DNAAF9: variants seen among roughly 807,000 people sequenced by gnomAD.
DNAAF9 encodes dynein axonemal assembly factor 9, also known as shulin.
A neutral mutation model predicts 167.0 loss-of-function variants in DNAAF9; 90 were observed. The ratio of observed to expected loss-of-function variants is 0.54; its 90% CI spans 0.45 to 0.64. DNAAF9 has a LOEUF of 0.64. Among genes scored for constraint, DNAAF9 ranks in the 30% least tolerant of loss-of-function variants. DNAAF9 has a pLI of 0.00. For missense variants in DNAAF9, 1,315 were observed against 1,442.2 expected, an observed-to-expected ratio of 0.91 and a Z score of 1.43; for synonymous variants, 491 against 508.8, an observed-to-expected ratio of 0.96 and a Z score of 0.47.
chr20:3,358,440 T>A (rs1467016806), intron 7 of DNAAF9, among the ~76,000 whole-genome samples: 1 of 152,074 alleles, frequency 6.6e-6, no homozygotes, highest in African/African-American at 2.4e-5. Flanking sequence ...CGTGCCATTG[T>A]GCCTGGCTAA....
intron 25 of DNAAF9, among the ~76,000 whole-genome samples, chr20:3,292,338 TACAA>T (rs1199664381): frequency 6.6e-6 from 1 of 152,230 alleles, no homozygotes; most frequent in Non-Finnish European, 1.5e-5. Context: ...AGGTATGCTT[TACAA>T]ACAGATGCTT....
At chr20:3,350,306 C>T (rs1208836515) in intron 7 of DNAAF9, among the ~76,000 whole-genome samples, 1 of 151,938 alleles carries the variant, frequency 6.6e-6, no homozygotes, top group African/African-American at 2.4e-5. Context: ...TAGTGACACC[C>T]CATCTCTACC....
intron 30 of DNAAF9, among the ~76,000 whole-genome samples, chr20:3,266,589 T>C (rs1414543071): frequency 6.6e-6 from 1 of 152,068 alleles, no homozygotes; most frequent in African/African-American, 2.4e-5. Flanking sequence ...GCCATTCTCC[T>C]GCCTCAGCCT....
chr20:3,252,501 C>T lies in DNAAF9; in HGVS notation c.*71G>A. On this transcript the variant is annotated 3_prime_UTR_variant, in exon 37 of 37. Coordinates refer to ENST00000252032, the MANE Select transcript of DNAAF9 (RefSeq NM_001009984.3). ...CTTAAGGGAGAGGCCTCCAGCAGAG[C>T]TGAGGTTAAGACACCCGTTCGTCCA... The T allele has an allele frequency of 1.2e-6, 1 of 851,834 alleles. No individual in the cohort carries two copies. The highest frequency in any genetic ancestry group is 1.4e-5 in the South Asian group (1 of 72,724). 52.8% of individuals were successfully genotyped at this position (851,834 alleles called of 1,614,324 possible). A position where few individuals can be genotyped will look rare whatever the true frequency, so the allele number is the denominator to read the frequency against.
intron 25 of DNAAF9, among the ~76,000 whole-genome samples, chr20:3,292,305 C>G (rs533666977): frequency 6.6e-6 from 1 of 152,214 alleles, no homozygotes; most frequent in African/African-American, 2.4e-5. Context: ...TGGGCGAGCA[C>G]CTTTTAATAA....
chr20:3,404,235 C>T (rs1308401654), intron 1 of DNAAF9, among the ~76,000 whole-genome samples: 1 of 152,124 alleles, frequency 6.6e-6, no homozygotes, highest in Admixed American at 6.6e-5. Context: ...GGGGTTTCAC[C>T]ATGTTGGTCA....
At chr20:3,343,158 C>G (rs2070120933) in intron 9 of DNAAF9, among the ~76,000 whole-genome samples, 1 of 152,120 alleles carries the variant, frequency 6.6e-6, no homozygotes, top group African/African-American at 2.4e-5. Context: ...TAGCAGACAA[C>G]AGTGATTTAT....
At chr20:3,399,771 G>T (rs2083958689) in intron 1 of DNAAF9, among the ~76,000 whole-genome samples, 1 of 152,180 alleles carries the variant, frequency 6.6e-6, no homozygotes, top group African/African-American at 2.4e-5. Flanking sequence ...CTAAAAGACA[G>T]CAGAACACAA....
At chr20:3,368,095 CCA>C (rs1004946950) in intron 6 of DNAAF9, among the ~76,000 whole-genome samples, 3 of 143,924 alleles carry the variant, frequency 2.1e-5, no homozygotes, top group Non-Finnish European at 4.6e-5. Flanking sequence ...TGAGTAGTTA[CCA>C]CACACATGAC....
At chr20:3,263,641 G>A (rs532779995) in intron 31 of DNAAF9, among the ~76,000 whole-genome samples, 2 of 152,168 alleles carry the variant, frequency 1.3e-5, no homozygotes, top group Non-Finnish European at 2.9e-5. Context: ...CAGGATTGGT[G>A]TAAATGAGAC....
At chr20:3,364,925 T>TCTCTCC (rs1451242194) in intron 6 of DNAAF9, among the ~76,000 whole-genome samples, 1 of 143,710 alleles carries the variant, frequency 7.0e-6, no homozygotes, top group Non-Finnish European at 1.5e-5. Flanking sequence ...TCTCTCCCTC[T>TCTCTCC]CTCTCCTTCT....
At chr20:3,272,334 C>T (rs2068607234) in intron 29 of DNAAF9, among the ~76,000 whole-genome samples, 1 of 152,166 alleles carries the variant, frequency 6.6e-6, no homozygotes, top group African/African-American at 2.4e-5. Context: ...AAGCAATCCT[C>T]CTGCCTCAGC....
intron 1 of DNAAF9, among the ~76,000 whole-genome samples, chr20:3,394,949 C>CTTTTTT (rs10522445): frequency 1.7e-4 from 17 of 102,130 alleles, no homozygotes; most frequent in East Asian, 9.3e-4. Flanking sequence ...TTTCTTTTTT[C>CTTTTTT]TTTTTTTTTT....
intron 16 of DNAAF9, among the ~76,000 whole-genome samples, chr20:3,320,617 A>T (rs2069597599): frequency 6.6e-6 from 1 of 152,218 alleles, no homozygotes; most frequent in African/African-American, 2.4e-5. Context: ...TATCACAAAA[A>T]AGTCTAAACT....
intron 8 of DNAAF9, among the ~76,000 whole-genome samples, chr20:3,348,167 C>T (rs59082361): frequency 0.045 from 6,812 of 152,000 alleles, 227 homozygotes; most frequent in African/African-American, 0.095. Flanking sequence ...TGCTGACTAG[C>T]GTCATCTGCT....
At chr20:3,289,978 G>A (rs1466943911) in intron 26 of DNAAF9, 151 bp downstream of exon 26, 4 of 661,322 alleles carry the variant, frequency 6.0e-6, no homozygotes, top group Non-Finnish European at 8.3e-6. Flanking sequence ...TGCCATACAG[G>A]AAGTGCTCAG....
chr20:3,315,628 G>A lies in DNAAF9; in HGVS notation c.1590+107C>T. On this transcript the variant is annotated intron_variant, in intron 19 of 36. Coordinates refer to ENST00000252032, the MANE Select transcript of DNAAF9 (RefSeq NM_001009984.3). This position sits in a 1 kb window ranked among gnomAD's most constrained non-coding sequence, Gnocchi z 4.1. ...AAATAGGAAGTGAAGACAACATAGT[G>A]CAAGTCTTTTAGATTAGTAGTGAGA... is the stretch of plus-strand genomic sequence containing the variant. The A allele has an allele frequency of 2.3e-6, 2 of 880,674 alleles. No homozygotes were observed. The highest frequency in any genetic ancestry group is 1.4e-5 in the South Asian group (1 of 73,996). 54.6% of individuals were successfully genotyped at this position (880,674 alleles called of 1,614,324 possible).
intron 29 of DNAAF9, among the ~76,000 whole-genome samples, chr20:3,271,541 CTATTT>C (rs2068591986): frequency 2.0e-5 from 3 of 152,048 alleles, no homozygotes; most frequent in African/African-American, 7.2e-5. Context: ...ATATTCATTC[CTATTT>C]TAACAGTTAT....
intron 1 of DNAAF9, among the ~76,000 whole-genome samples, chr20:3,394,338 CAAA>C (rs11479398): frequency 8.4e-5 from 8 of 95,614 alleles, no homozygotes; most frequent in Admixed American, 1.1e-4. Context: ...AACTCCGTCT[CAAA>C]AAAAAAAAAA....
Sources: gnomAD v4.1 joint callset for allele counts (sites outside exome capture counted in the v4.1 genomes callset) on GRCh38, gnomAD v4.1.1 for gene constraint, Gnocchi (gnomAD v3.1) non-coding constraint, MANE v1.5 for transcripts, NCBI Gene and HGNC (gene_info 2026-07-23, HGNC 2026-07-21) for gene names.